Variants in PAK1 observed in about 807,000 individuals in gnomAD.
PAK1 encodes the protein p21 (RAC1) activated kinase 1, also known as serine/threonine-protein kinase PAK 1.
Under a neutral mutation model 67.4 loss-of-function variants are expected in PAK1, and 29 were observed. The observed-to-expected ratio is 0.43, with a 90% CI of 0.32 to 0.59. PAK1 has a LOEUF of 0.59. Among genes scored for constraint, PAK1 ranks in the 20% least tolerant of loss-of-function variants. The probability of loss-of-function intolerance (pLI) is 0.07; values close to 1 mark genes in which losing one functional copy is unlikely to be tolerated. For synonymous variants in PAK1, 223 were observed against 237.4 expected (o/e 0.94, Z 0.56); for missense variants, 337 against 670.7 (o/e 0.50, Z 5.50).
intron 1 of PAK1, among the ~76,000 whole-genome samples, chr11:77,461,888 A>C (rs1957363006): frequency 6.6e-6 from 1 of 152,208 alleles, no homozygotes; most frequent in South Asian, 2.1e-4. Flanking sequence ...GATAATACTA[A>C]AAAGAGCTGA....
intron 1 of PAK1, among the ~76,000 whole-genome samples, chr11:77,433,822 G>A (rs529001927): frequency 2.6e-5 from 4 of 152,196 alleles, no homozygotes; most frequent in African/African-American, 4.8e-5. Flanking sequence ...TTTAAAAATG[G>A]ACAAAGGCTC....
chr11:77,515,148 A>C, the PAK1 span, among the ~76,000 whole-genome samples: 2 of 152,234 alleles, frequency 1.3e-5, no homozygotes, highest in East Asian at 3.8e-4. Flanking sequence ...TTTTACACTC[A>C]TATTTCATAG....
At chr11:77,460,825 T>C (rs1425665284) in intron 1 of PAK1, among the ~76,000 whole-genome samples, 1 of 152,126 alleles carries the variant, frequency 6.6e-6, no homozygotes, top group East Asian at 1.9e-4. Flanking sequence ...ATATGAAGCT[T>C]CTATTTCATC....
intron 1 of PAK1, among the ~76,000 whole-genome samples, chr11:77,468,910 C>T (rs1032170986): frequency 1.3e-5 from 2 of 152,160 alleles, no homozygotes; most frequent in Admixed American, 6.5e-5. Context: ...CCTCAGCCTG[C>T]TAACTCGTAA....
chr11:77,465,506 C>A (rs567024582), intron 1 of PAK1, among the ~76,000 whole-genome samples: 13 of 152,204 alleles, frequency 8.5e-5, no homozygotes, highest in Admixed American at 3.9e-4. Flanking sequence ...TGGGCTTTCT[C>A]ATTTTGCTCA....
the PAK1 span, among the ~76,000 whole-genome samples, chr11:77,527,464 A>T: frequency 2.6e-5 from 4 of 152,318 alleles, no homozygotes; most frequent in South Asian, 6.2e-4. Context: ...CTTTATATAG[A>T]TCACCTCACA....
intron 1 of PAK1, among the ~76,000 whole-genome samples, chr11:77,424,113 T>C (rs1451413278): frequency 6.6e-6 from 1 of 152,224 alleles, no homozygotes; most frequent in African/African-American, 2.4e-5. Context: ...CTTCTCATCA[T>C]TACATGCTAG....
intron 5 of PAK1, among the ~76,000 whole-genome samples, chr11:77,371,839 T>C (rs1592026042): frequency 6.6e-6 from 1 of 152,210 alleles, no homozygotes; most frequent in African/African-American, 2.4e-5. Context: ...GCAGGTGTTA[T>C]CCTCCCTGCC....
chr11:77,490,292 C>A, the PAK1 span, among the ~76,000 whole-genome samples: 1 of 145,426 alleles, frequency 6.9e-6, no homozygotes, highest in Non-Finnish European at 1.5e-5. Context: ...GGGGGTCAGC[C>A]CCCCCACCCG....
the PAK1 span, among the ~76,000 whole-genome samples, chr11:77,513,866 A>T: frequency 1.3e-5 from 2 of 152,110 alleles, no homozygotes; most frequent in South Asian, 4.1e-4. Context: ...ACCTACTTAT[A>T]GTCCCCTATT....
chr11:77,337,237 C>G, intron 12 of PAK1, 87 bp downstream of exon 12: 1 of 598,732 alleles, frequency 1.7e-6, no homozygotes, highest in Non-Finnish European at 3.0e-6. Context: ...TGGTGAGTGT[C>G]GTAGTTACTA....
At chr11:77,342,823 C>T (rs984890070) in intron 10 of PAK1, among the ~76,000 whole-genome samples, 2 of 151,032 alleles carry the variant, frequency 1.3e-5, no homozygotes, top group African/African-American at 4.9e-5. Context: ...AATTAGAGTC[C>T]AAGATTTAGT....
chr11:77,522,002 C>T, the PAK1 span, among the ~76,000 whole-genome samples: 1 of 152,150 alleles, frequency 6.6e-6, no homozygotes, highest in African/African-American at 2.4e-5. Flanking sequence ...ACTCTCTAGT[C>T]CTCATTTTCA....
chr11:77,384,190 T>C (rs1468856958), intron 2 of PAK1, among the ~76,000 whole-genome samples: 1 of 152,302 alleles, frequency 6.6e-6, no homozygotes, highest in South Asian at 2.1e-4. Context: ...TTCTTCCATC[T>C]TTCCACCTGC....
intron 5 of PAK1, among the ~76,000 whole-genome samples, chr11:77,372,419 CT>C (rs1948563148): frequency 6.6e-6 from 1 of 152,142 alleles, no homozygotes; most frequent in Non-Finnish European, 1.5e-5. Context: ...CAGTAAGCTC[CT>C]GTGAGGATTC....
chr11:77,450,653 A>G (rs932087985), intron 1 of PAK1, among the ~76,000 whole-genome samples: 1 of 152,232 alleles, frequency 6.6e-6, no homozygotes, highest in African/African-American at 2.4e-5. Context: ...ACATTGGCAT[A>G]TCTACTGTGG....
chr11:77,464,197 A>C (rs1364049141), intron 1 of PAK1, among the ~76,000 whole-genome samples: 4 of 152,172 alleles, frequency 2.6e-5, no homozygotes, highest in African/African-American at 7.2e-5. Flanking sequence ...GCACATCTCT[A>C]AACTTTTACC....
At chr11:77,523,654 G>A in the PAK1 span, among the ~76,000 whole-genome samples, 17 of 152,138 alleles carry the variant, frequency 1.1e-4, no homozygotes, top group East Asian at 5.8e-4. Flanking sequence ...TCCTGACCTC[G>A]TGATCCTCCC....
intron 2 of PAK1, among the ~76,000 whole-genome samples, chr11:77,384,450 T>C (rs111922564): frequency 0.029 from 4,384 of 152,274 alleles, 196 homozygotes; most frequent in African/African-American, 0.099. Context: ...ACACAAAAAC[T>C]TGTATGTGAA....
Sources: allele counts gnomAD v4.1 joint callset (sites outside exome capture counted in the v4.1 genomes callset), GRCh38; gene constraint gnomAD v4.1.1; transcripts MANE v1.5; gene names NCBI Gene and HGNC (gene_info 2026-07-23, HGNC 2026-07-21).